The following EPS8 variants were observed in gnomAD, a reference collection of about 807,000 sequenced individuals.
EPS8 encodes epidermal growth factor receptor kinase substrate 8.
Under a neutral mutation model 103.8 loss-of-function variants are expected in EPS8, and 42 were observed. The observed-to-expected ratio is 0.40, with a 90% confidence interval of 0.32 to 0.52. EPS8 has a LOEUF of 0.52. EPS8 is among the 20% of genes least tolerant of loss of function. The pLI, the probability that EPS8 is intolerant of heterozygous loss-of-function variation, is 0.40. For synonymous variants in EPS8, 344 were observed against 344.6 expected (o/e 1.00, Z 0.02); for missense variants, 969 against 1,005.1 (o/e 0.96, Z 0.49).
At chr12:15,655,869 G>A (rs748608390) in intron 12 of EPS8, among the ~76,000 whole-genome samples, 14 of 152,204 alleles carry the variant, frequency 9.2e-5, no homozygotes, top group Non-Finnish European at 1.9e-4. Flanking sequence ...CCAGTAGCAG[G>A]CCCTGAATAG....
intron 16 of EPS8, among the ~76,000 whole-genome samples, chr12:15,641,234 A>G (rs1945223207): frequency 6.6e-6 from 1 of 152,202 alleles, no homozygotes; most frequent in South Asian, 2.1e-4. Context: ...TATTGTGATA[A>G]TTCACCTTAT....
At chr12:15,782,444 T>C (rs1357220864) in intron 1 of EPS8, among the ~76,000 whole-genome samples, 2 of 151,992 alleles carry the variant, frequency 1.3e-5, no homozygotes, top group African/African-American at 4.8e-5. Context: ...GAGGCTGCAG[T>C]AGGCCCAAGA....
At chr12:15,638,749 G>A (rs1373145801) in intron 17 of EPS8, among the ~76,000 whole-genome samples, 2 of 152,130 alleles carry the variant, frequency 1.3e-5, no homozygotes, top group Non-Finnish European at 2.9e-5. Context: ...AAAAGATGAG[G>A]TTCTGTTTAA....
intron 9 of EPS8, among the ~76,000 whole-genome samples, chr12:15,661,449 T>C (rs1321577723): frequency 2.0e-5 from 3 of 152,150 alleles, no homozygotes; most frequent in Non-Finnish European, 2.9e-5. Context: ...TGGTAACATG[T>C]ATATGGTATA....
At chr12:15,744,725 A>T (rs917166639) in intron 1 of EPS8, among the ~76,000 whole-genome samples, 1 of 152,250 alleles carries the variant, frequency 6.6e-6, no homozygotes, top group Non-Finnish European at 1.5e-5. Flanking sequence ...ATTATAACAC[A>T]GTATGATAAA....
chr12:15,685,479 A>ACTT (rs1946080086), intron 1 of EPS8, among the ~76,000 whole-genome samples: 6 of 152,234 alleles, frequency 3.9e-5, no homozygotes, highest in African/African-American at 1.4e-4. Flanking sequence ...AGCTGGTTTT[A>ACTT]ATGAAAAGTG....
intron 10 of EPS8, among the ~76,000 whole-genome samples, chr12:15,659,047 G>T (rs1450823828): frequency 6.6e-6 from 1 of 152,112 alleles, no homozygotes; most frequent in African/African-American, 2.4e-5. Flanking sequence ...TTGGTCCAGG[G>T]TGATGTGGTG....
intron 13 of EPS8, among the ~76,000 whole-genome samples, chr12:15,652,368 T>C (rs750282075): frequency 2.0e-5 from 3 of 152,128 alleles, no homozygotes; most frequent in Non-Finnish European, 2.9e-5. Context: ...TAAGACCCAG[T>C]GTTAGATAGA....
At chr12:15,626,737 C>G (rs919619004) in intron 18 of EPS8, among the ~76,000 whole-genome samples, 1 of 152,006 alleles carries the variant, frequency 6.6e-6, no homozygotes, top group Non-Finnish European at 1.5e-5. Flanking sequence ...AGACCTCCAC[C>G]ACTCTAAAGC....
At chr12:15,634,393 C>T (rs1014409228) in intron 17 of EPS8, among the ~76,000 whole-genome samples, 1 of 152,136 alleles carries the variant, frequency 6.6e-6, no homozygotes, top group Admixed American at 6.5e-5. Flanking sequence ...ATTTACTTTC[C>T]TATTGATAAT....
At chr12:15,754,022 T>G (rs922763796) in intron 1 of EPS8, among the ~76,000 whole-genome samples, 1 of 152,194 alleles carries the variant, frequency 6.6e-6, no homozygotes, top group Non-Finnish European at 1.5e-5. Flanking sequence ...CCATCTGGCT[T>G]GGGACCAAAC....
Position 15,767,767 on chromosome 12 carries a change from CA to C in EPS8, c.-22+21393del, listed in dbSNP as rs1947112096. ...CAGCTCTCCTTCCAGGAATACCTGT[CA>C]AAATACTCATTTGTCAGTTTTAAGC... is the stretch of plus-strand genomic sequence containing the variant. On this transcript the variant is annotated intron_variant, in intron 1 of 20. Transcript: ENST00000281172. This position sits in a 1 kb window ranked among gnomAD's most constrained non-coding sequence, Gnocchi z 5.5. Among the ~76,000 whole-genome samples the C allele has an allele frequency of 6.6e-6, 1 of 152,198 alleles. No homozygotes were observed. Among genetic ancestry groups the C allele is most frequent in the Non-Finnish European group, 1.5e-5 (1 of 68,052 alleles).
intron 1 of EPS8, among the ~76,000 whole-genome samples, chr12:15,744,167 A>G (rs1013652845): frequency 6.6e-6 from 1 of 152,244 alleles, no homozygotes; most frequent in African/African-American, 2.4e-5. Context: ...AAAAATGCCC[A>G]TCATCACTGG....
chr12:15,732,059 C>T (rs558783989), intron 1 of EPS8, among the ~76,000 whole-genome samples: 39 of 152,204 alleles, frequency 2.6e-4, no homozygotes, highest in African/African-American at 8.9e-4. Context: ...AGTGAAACTA[C>T]GCATTTCATA....
At chr12:15,666,873 G>A (rs1225162834) in intron 6 of EPS8, among the ~76,000 whole-genome samples, 1 of 152,150 alleles carries the variant, frequency 6.6e-6, no homozygotes, top group Admixed American at 6.5e-5. Flanking sequence ...ATAGAACAGA[G>A]TTCCTTCCCT....
At chr12:15,710,751 A>C (rs1946451578) in intron 1 of EPS8, among the ~76,000 whole-genome samples, 1 of 152,238 alleles carries the variant, frequency 6.6e-6, no homozygotes, top group South Asian at 2.1e-4. Context: ...ATTTTAAAAT[A>C]CTGGATTGTT....
At chr12:15,649,770 A>C (rs1945380198) in intron 14 of EPS8, among the ~76,000 whole-genome samples, 1 of 152,254 alleles carries the variant, frequency 6.6e-6, no homozygotes, top group Non-Finnish European at 1.5e-5. Flanking sequence ...AATTTAATTT[A>C]GATAAACATT....
intron 1 of EPS8, among the ~76,000 whole-genome samples, chr12:15,724,552 A>C (rs1231025056): frequency 6.6e-6 from 1 of 152,162 alleles, no homozygotes; most frequent in Non-Finnish European, 1.5e-5. Flanking sequence ...TACTTTTAAA[A>C]CTTTTCAATC....
At chr12:15,682,539 C>T (rs1320652844) in intron 2 of EPS8, among the ~76,000 whole-genome samples, 3 of 152,034 alleles carry the variant, frequency 2.0e-5, no homozygotes, top group African/African-American at 7.2e-5. Flanking sequence ...TCTCAAATGC[C>T]AATATTTTAT....
Sources: gnomAD v4.1 joint callset for allele counts (sites outside exome capture counted in the v4.1 genomes callset) on GRCh38, gnomAD v4.1.1 for gene constraint, Gnocchi (gnomAD v3.1) non-coding constraint, MANE v1.5 for transcripts, NCBI Gene and HGNC (gene_info 2026-07-23, HGNC 2026-07-21) for gene names.